RBFOX1: variants seen among roughly 807,000 people sequenced by gnomAD.
RBFOX1 encodes RNA binding fox-1 homolog 1.
A neutral mutation model predicts 57.7 loss-of-function variants in RBFOX1; 8 were observed. The ratio of observed to expected loss-of-function variants is 0.14; its 90% CI spans 0.08 to 0.25. The LOEUF is 0.25. RBFOX1 is among the 10% of genes least tolerant of loss of function. The pLI is 1.00. For synonymous variants in RBFOX1, 326 were observed against 222.4 expected (o/e 1.47, Z -4.15); for missense variants, 611 against 548.5 (o/e 1.11, Z -1.14).
intron 4 of RBFOX1, among the ~76,000 whole-genome samples, chr16:7,465,784 A>T (rs563548700): frequency 2.5e-4 from 38 of 152,332 alleles, no homozygotes; most frequent in African/African-American, 8.2e-4. Context: ...CCCCAGGAAT[A>T]TGCATTTATA....
chr16:5,515,783 ATGCCATTC>A (rs1441588460), intron 2 of RBFOX1, among the ~76,000 whole-genome samples: 1 of 152,220 alleles, frequency 6.6e-6, no homozygotes, highest in Non-Finnish European at 1.5e-5. Flanking sequence ...GAAAAGTACC[ATGCCATTC>A]AGCCTTCTAA....
chr16:6,884,098 T>G (rs995455507), intron 3 of RBFOX1, among the ~76,000 whole-genome samples: 4 of 152,200 alleles, frequency 2.6e-5, no homozygotes, highest in Non-Finnish European at 4.4e-5. Flanking sequence ...GCACCTGCGA[T>G]GCGCTGCAGA....
downstream of RBFOX1, among the ~76,000 whole-genome samples, chr16:5,600,839 T>C (rs1236007512): frequency 2.0e-5 from 3 of 152,234 alleles, no homozygotes; most frequent in Non-Finnish European, 4.4e-5. Context: ...CACTTTTCAG[T>C]TGACCAAATG....
At chr16:5,834,776 TGATAGATAGATA>T (rs140249212) in intron 3 of RBFOX1, among the ~76,000 whole-genome samples, 1,584 of 147,768 alleles carry the variant, frequency 0.011, 21 homozygotes, top group African/African-American at 0.034. Flanking sequence ...CATGCACAGA[TGATAGATAGATA>T]GATAGATAGA....
At chr16:7,085,907 G>A (rs776426740) in intron 4 of RBFOX1, among the ~76,000 whole-genome samples, 1 of 152,144 alleles carries the variant, frequency 6.6e-6, no homozygotes, top group African/African-American at 2.4e-5. Flanking sequence ...TTGGTGATTC[G>A]GTTCTTGATG....
At chr16:5,484,092 A>G (rs985317330) in intron 2 of RBFOX1, among the ~76,000 whole-genome samples, 18 of 152,214 alleles carry the variant, frequency 1.2e-4, no homozygotes, top group Admixed American at 3.9e-4. Context: ...GATTGCTTGC[A>G]CCAAAGAGGT....
Position 7,039,514 on chromosome 16 carries a change from G to C in RBFOX1, c.-15-12543G>C, listed in dbSNP as rs372415291. On this transcript the variant is annotated intron_variant, in intron 3 of 15. Transcript: ENST00000550418. ...ACTTGAGTCATTGTTGTGACTTTTT[G>C]TTTTTACTTTTTTAATTGATTATTT... Among the ~76,000 whole-genome samples, 11 of 152,192 alleles carry C rather than the reference G, an allele frequency of 7.2e-5. No individual in the cohort carries two copies. In the East Asian group the frequency reaches 1.2e-3, roughly 16 times the overall value.
chr16:6,971,201 A>T (rs1198010185), intron 3 of RBFOX1, among the ~76,000 whole-genome samples: 1 of 152,162 alleles, frequency 6.6e-6, no homozygotes, highest in East Asian at 1.9e-4. Context: ...CAGAGATTTT[A>T]AAATATAGAA....
intron 3 of RBFOX1, among the ~76,000 whole-genome samples, chr16:6,831,242 G>A (rs1373168983): frequency 6.6e-6 from 1 of 152,156 alleles, no homozygotes; most frequent in Non-Finnish European, 1.5e-5. Context: ...TGACTTGGTC[G>A]AATTTTAACT....
At chr16:6,113,233 A>G (rs2096464374) in intron 1 of RBFOX1, among the ~76,000 whole-genome samples, 1 of 152,178 alleles carries the variant, frequency 6.6e-6, no homozygotes, top group Admixed American at 6.5e-5. Flanking sequence ...TGAATTACAG[A>G]TGGACAAGAG....
intron 1 of RBFOX1, among the ~76,000 whole-genome samples, chr16:6,154,503 A>G (rs980472991): frequency 4.6e-5 from 7 of 152,054 alleles, no homozygotes; most frequent in African/African-American, 1.7e-4. Context: ...TTTTTTCTGT[A>G]AGGTCTTTGA....
chr16:5,445,175 C>G (rs556420333), intron 1 of RBFOX1, among the ~76,000 whole-genome samples: 5 of 152,310 alleles, frequency 3.3e-5, no homozygotes, highest in South Asian at 2.1e-4. Flanking sequence ...AGCAGAGTGA[C>G]TTGGTAGCTT....
chr16:6,938,425 C>A lies in RBFOX1; in HGVS notation c.-15-113632C>A, dbSNP rs1430339851. Among the ~76,000 whole-genome samples, 4 of 152,170 alleles carry A rather than the reference C, an allele frequency of 2.6e-5. No individual in the cohort carries two copies. In the South Asian group the frequency reaches 6.2e-4, roughly 24 times the overall value. ...GGGTCGGAAAAATGTAACTGTTACA[C>A]TGTTGCTGTTGTTATTTTTGTTGTT... On this transcript the variant is annotated intron_variant, in intron 3 of 15. Transcript: ENST00000550418.
At chr16:6,602,863 A>G (rs780991989) in intron 2 of RBFOX1, among the ~76,000 whole-genome samples, 8 of 152,100 alleles carry the variant, frequency 5.3e-5, no homozygotes, top group Non-Finnish European at 1.2e-4. Context: ...ATCACATGCA[A>G]ATGAAATTAC....
chr16:6,626,026 A>T (rs1007730980), intron 2 of RBFOX1, among the ~76,000 whole-genome samples: 1 of 152,172 alleles, frequency 6.6e-6, no homozygotes, highest in African/African-American at 2.4e-5. Flanking sequence ...GGAATAAAGA[A>T]ACAGCTTCAC....
chr16:6,815,189 A>C (rs926076280), intron 3 of RBFOX1, among the ~76,000 whole-genome samples: 9 of 152,130 alleles, frequency 5.9e-5, no homozygotes, highest in African/African-American at 2.2e-4. Context: ...TGAGCATGCA[A>C]GTGCTTTATA....
intron 4 of RBFOX1, among the ~76,000 whole-genome samples, chr16:7,135,485 A>C (rs1021391527): frequency 6.6e-6 from 1 of 152,246 alleles, no homozygotes; most frequent in Non-Finnish European, 1.5e-5. Flanking sequence ...ATCCGTGAAT[A>C]CTAAGGGGTG....
At chr16:7,226,022 C>T (rs1346550604) in intron 4 of RBFOX1, among the ~76,000 whole-genome samples, 1 of 151,816 alleles carries the variant, frequency 6.6e-6, no homozygotes, top group Non-Finnish European at 1.5e-5. Flanking sequence ...TCTGTACACT[C>T]TGCTTTTCTT....
chr16:6,889,239 C>G (rs373989541), intron 3 of RBFOX1, among the ~76,000 whole-genome samples: 1 of 152,182 alleles, frequency 6.6e-6, no homozygotes, highest in Non-Finnish European at 1.5e-5. Context: ...TGAGTCTTCT[C>G]CCACCCCATT....
Sources: gnomAD v4.1 joint callset for allele counts (sites outside exome capture counted in the v4.1 genomes callset) on GRCh38, gnomAD v4.1.1 for gene constraint, MANE v1.5 for transcripts, NCBI Gene and HGNC (gene_info 2026-07-23, HGNC 2026-07-21) for gene names.